The following MED13 variants were observed in gnomAD, a reference collection of about 807,000 sequenced individuals.
MED13 encodes the protein mediator of RNA polymerase II transcription subunit 13.
In MED13, 23 loss-of-function variants were observed where a neutral mutation model predicts 225.2. The ratio of observed to expected loss-of-function variants is 0.10; its 90% CI spans 0.07 to 0.14. The LOEUF is 0.14. MED13 is among the 10% of genes least tolerant of loss of function. The pLI is 1.00. For missense variants in MED13, 2,197 were observed against 2,594.5 expected (o/e 0.85, Z 3.33); for synonymous variants, 942 against 889.2 (o/e 1.06, Z -1.06).
Position 61,945,716 on chromosome 17 carries a change from T to C in MED13, c.*752A>G, listed in dbSNP as rs1220896690. On this transcript the variant is annotated 3_prime_UTR_variant, in exon 30 of 30. Coordinates refer to ENST00000397786, the MANE Select transcript of MED13 (RefSeq NM_005121.3). ...CAATTTATAAACACAGTGAACTTCA[T>C]TACTGTACATGTACTCTGCAACTAC... 4 of 152,608 alleles carry C rather than the reference T, an allele frequency of 2.6e-5. No homozygotes were observed. The highest frequency in any genetic ancestry group is 5.9e-5 in the Non-Finnish European group (4 of 68,038). 9.5% of individuals were successfully genotyped at this position (152,608 alleles called of 1,614,324 possible).
At chr17:62,034,057 T>C (rs2080781070) in intron 4 of MED13, 73 bp from the exon 5 acceptor site, 2 of 1,316,506 alleles carry the variant, frequency 1.5e-6, no homozygotes, top group East Asian at 4.7e-5. Flanking sequence ...GTGAAAAATG[T>C]GGCAAATAAT....
chr17:62,017,192 T>C (rs1247468815), intron 8 of MED13, among the ~76,000 whole-genome samples: 1 of 56,470 alleles, frequency 1.8e-5, no homozygotes, highest in Admixed American at 1.8e-4. Context: ...AAGTTTCTAA[T>C]AACAAAACAG....
Position 61,985,086 on chromosome 17 carries a change from C to T in MED13, c.2390G>A (p.Gly797Glu), listed in dbSNP as rs756007979. Residue 797 changes from glycine (G) to glutamate (E), a missense_variant, in exon 13 of 30, where the codon GGA becomes GAA. Transcript: ENST00000397786. ...FNSDEDELTP[G>E]SKKSANGSDD... ...TGATCCATTTGCTGATTTTTTAGAT[C>T]CAGGCTATTTAAAAAAAGCACATAT... The T allele has an allele frequency of 5.6e-6, 9 of 1,610,990 alleles. No individual in the cohort carries two copies. The highest frequency in any genetic ancestry group is 7.6e-6 in the Non-Finnish European group (9 of 1,178,998).
At chr17:61,955,875 A>AC in intron 24 of MED13, 37 bp from the exon 25 acceptor site, 1 of 1,498,176 alleles carries the variant, frequency 6.7e-7, no homozygotes, top group Non-Finnish European at 8.9e-7. Context: ...AAAAAAAAAA[A>AC]AAAAAATCAA....
intron 21 of MED13, 123 bp downstream of exon 21, chr17:61,962,629 A>T (rs2080011671): frequency 2.9e-6 from 2 of 692,404 alleles, no homozygotes; most frequent in East Asian, 2.7e-5. Context: ...ATTAAAGTAA[A>T]ATCAATATAA....
At chr17:61,958,439 A>G (rs1451074296) in intron 23 of MED13, among the ~76,000 whole-genome samples, 2 of 150,988 alleles carry the variant, frequency 1.3e-5, no homozygotes, top group Admixed American at 6.6e-5. Context: ...CCTGGGTTCA[A>G]GGGATTCTCC....
intron 26 of MED13, 40 bp from the exon 27 acceptor site, chr17:61,953,153 C>T: frequency 6.3e-7 from 1 of 1,585,790 alleles, no homozygotes; most frequent in South Asian, 1.1e-5. Context: ...ACTCCATTTT[C>T]CATATCCTAT....
At chr17:62,036,344 A>G (rs568180567) in intron 3 of MED13, among the ~76,000 whole-genome samples, 1 of 152,288 alleles carries the variant, frequency 6.6e-6, no homozygotes, top group Admixed American at 6.5e-5. Context: ...TATATGCAAA[A>G]CAGTACACCT....
In MED13 at chr17:61,946,603, G is replaced by A; in HGVS notation, c.6393-3C>T. ...CATTGTACTGTTCCAAAACAAACCT[G>A]AAAAGCAAATAAACTGCATAAGTCA... On this transcript the variant is annotated splice_polypyrimidine_tract_variant and splice_region_variant and intron_variant, in intron 29 of 29. Transcript: ENST00000397786. 1.9e-6 allele frequency: 3 copies of A among 1,609,098 alleles called. No individual in the cohort carries two copies. The highest frequency in any genetic ancestry group is 2.5e-6 in the Non-Finnish European group (3 of 1,178,910).
chr17:61,969,793 G>T (rs894760251), intron 17 of MED13, among the ~76,000 whole-genome samples: 1 of 151,934 alleles, frequency 6.6e-6, no homozygotes, highest in Non-Finnish European at 1.5e-5. Context: ...GTAGAGATGG[G>T]GTTTCACCAT....
chr17:61,962,661 T>G (rs2080011994), intron 21 of MED13, 91 bp downstream of exon 21: 5 of 1,076,952 alleles, frequency 4.6e-6, no homozygotes, highest in Non-Finnish European at 6.9e-6. Flanking sequence ...TTTTAGATAA[T>G]CAATTTGAAT....
chr17:61,962,547 TA>T (rs990848938), intron 21 of MED13, among the ~76,000 whole-genome samples: 36 of 152,190 alleles, frequency 2.4e-4, no homozygotes, highest in African/African-American at 8.7e-4. Context: ...GGAATTTTTT[TA>T]TTCTGTATTA....
intron 6 of MED13, chr17:62,030,637 G>GT (rs1477725813): frequency 7.9e-5 from 12 of 152,270 alleles, no homozygotes; most frequent in South Asian, 6.2e-4. Context: ...AGTCTTTTTT[G>GT]TAAGGTCAGC....
intron 9 of MED13, chr17:62,003,607 A>AAAAAAAAAAAAAAAAC (rs2080417436): frequency 6.6e-6 from 1 of 150,648 alleles, no homozygotes; most frequent in Admixed American, 6.6e-5. Context: ...CTCAAAAAAA[A>AAAAAAAAAAAAAAAAC]AAAAAAAAAA....
chr17:61,943,581 A>T lies in MED13; in HGVS notation c.*2887T>A, dbSNP rs2079830812. The stretch of plus-strand genomic sequence containing the variant: ...GAGCTTAATTTTAGTGGTTTAAGAA[A>T]AGTTTAGAAATATTTAAAAATTACA... On this transcript the variant is annotated 3_prime_UTR_variant, in exon 30 of 30. Coordinates refer to ENST00000397786, the MANE Select transcript of MED13 (RefSeq NM_005121.3). 1 of 152,614 alleles carries T rather than the reference A, an allele frequency of 6.6e-6. No homozygotes were observed. Among genetic ancestry groups the T allele is most frequent in the African/African-American group, 2.4e-5 (1 of 41,456 alleles). The allele number at this position is 152,614 out of a possible 1,614,324, so 9.5% of individuals were successfully genotyped here.
intron 5 of MED13, chr17:62,032,554 A>C (rs1317789153): frequency 6.6e-6 from 1 of 152,040 alleles, no homozygotes; most frequent in Non-Finnish European, 1.5e-5. Context: ...CCTTAAATAC[A>C]ATATGGTAGA....
At chr17:61,984,393 CAGTATCTTATCTTCT>C in intron 14 of MED13, 26 bp from the exon 15 acceptor site, 1 of 1,478,356 alleles carries the variant, frequency 6.8e-7, no homozygotes, top group East Asian at 2.3e-5. Context: ...GGTAGGTTTT[CAGTATCTTATCTTCT>C]AGGAGGAAAA....
rs558144045 is a variant in MED13 at position 62,013,762 on chromosome 17, C to A, written c.1284-2529G>T. The stretch of plus-strand genomic sequence containing the variant: ...ATTATTACAAACTATACAATAAGGC[C>A]AGATGCAGTGGCTCACACCTGTAAT... On this transcript the variant is annotated intron_variant, in intron 8 of 29. Coordinates refer to ENST00000397786, the MANE Select transcript of MED13 (RefSeq NM_005121.3). Among the ~76,000 whole-genome samples the A allele has an allele frequency of 7.2e-4, 110 of 152,242 alleles. 1 individual carries two copies. The highest frequency in any genetic ancestry group is 2.0e-3 in the Admixed American group (31 of 15,284).
intron 16 of MED13, among the ~76,000 whole-genome samples, chr17:61,974,471 G>A (rs1159131454): frequency 6.6e-6 from 1 of 151,942 alleles, no homozygotes; most frequent in Non-Finnish European, 1.5e-5. Context: ...TTACCTGCAT[G>A]ACAAAATAAT....
Sources: gnomAD v4.1 joint callset for allele counts (sites outside exome capture counted in the v4.1 genomes callset) on GRCh38, gnomAD v4.1.1 for gene constraint, MANE v1.5 for transcripts, NCBI Gene and HGNC (gene_info 2026-07-23, HGNC 2026-07-21) for gene names.